ITGAE: variants seen among roughly 807,000 people sequenced by gnomAD.
The protein encoded by ITGAE is integrin subunit alpha E.
ITGAE carries 99 observed loss-of-function variants against 136.5 expected under a neutral mutation model. The observed-to-expected ratio is 0.73, with a 90% CI of 0.62 to 0.86. ITGAE has a LOEUF of 0.86. Among genes scored for constraint, ITGAE ranks in the 40% least tolerant of loss-of-function variants. The probability of loss-of-function intolerance (pLI) is 0.00; values close to 1 mark genes in which losing one functional copy is unlikely to be tolerated. For synonymous variants in ITGAE, 613 were observed against 591.8 expected (o/e 1.04, Z -0.52); for missense variants, 1,447 against 1,515.3 (o/e 0.95, Z 0.75).
intron 13 of ITGAE, 54 bp downstream of exon 13, chr17:3,753,729 G>A (rs2051928752): frequency 3.7e-6 from 6 of 1,600,582 alleles, no homozygotes; most frequent in South Asian, 1.1e-5. Flanking sequence ...TTCCCTTGGG[G>A]GCCTCCAGAT....
chr17:3,765,629 C>G (rs931034834), intron 2 of ITGAE, among the ~76,000 whole-genome samples: 1 of 152,118 alleles, frequency 6.6e-6, no homozygotes, highest in South Asian at 2.1e-4. Context: ...CACCAGGGGC[C>G]CCCACAATGC....
chr17:3,773,782 G>T (rs1054423100), intron 2 of ITGAE, among the ~76,000 whole-genome samples: 4 of 152,108 alleles, frequency 2.6e-5, no homozygotes, highest in African/African-American at 9.7e-5. Flanking sequence ...CCAACCCTCT[G>T]ATCGTGCCTG....
rs762148218 is a variant in ITGAE at position 3,753,420 on chromosome 17, T to C, written c.1538A>G (p.Tyr513Cys). 11 of 1,613,762 alleles carry C rather than the reference T, an allele frequency of 6.8e-6. No homozygotes were observed. The highest frequency in any genetic ancestry group is 4.5e-5 in the East Asian group (2 of 44,870). ...PVLEGEQMGS[Y>C]FGSELCPVDI... Reference sequence around the variant, plus strand: ...CACAGGGCACAGCTCAGAGCCAAAATAGGACCCCATCTACAGCCCGGGAGG... The same window carrying C: ...CACAGGGCACAGCTCAGAGCCAAAACAGGACCCCATCTACAGCCCGGGAGG... Residue 513 changes from tyrosine to cysteine, a missense_variant, in exon 14 of 31, where the codon TAT becomes TGT. By Grantham distance (194) the Tyr-to-Cys change is radical (BLOSUM62 -2). Around this residue, in one of 3 missense-constraint regions of ITGAE, gnomAD observed 1,031 missense variants for 1,011.4 expected, o/e 1.02. Transcript: ENST00000263087.
chr17:3,756,044 G>T, intron 10 of ITGAE, 147 bp from the exon 11 acceptor site: 1 of 699,434 alleles, frequency 1.4e-6, no homozygotes, highest in Non-Finnish European at 2.4e-6. Flanking sequence ...AGAGACCCAG[G>T]TTCTCCTTGA....
intron 1 of ITGAE, chr17:3,784,277 T>A (rs999466607): frequency 4.0e-4 from 138 of 343,240 alleles, no homozygotes; most frequent in Non-Finnish European, 2.6e-4. Flanking sequence ...TAAAATAAAA[T>A]AAAAAAATAA....
At chr17:3,786,293 G>A (rs2052796576) in intron 1 of ITGAE, among the ~76,000 whole-genome samples, 1 of 151,678 alleles carries the variant, frequency 6.6e-6, no homozygotes. Flanking sequence ...AAAAAGAAAT[G>A]TATCACCTGA....
chr17:3,729,863 G>C (rs906913359), intron 23 of ITGAE, among the ~76,000 whole-genome samples: 2 of 152,176 alleles, frequency 1.3e-5, no homozygotes, highest in Admixed American at 6.5e-5. Context: ...CCAAAGTGCT[G>C]GGATTACAGG....
intron 29 of ITGAE, chr17:3,717,112 C>A: frequency 3.4e-6 from 1 of 291,530 alleles, no homozygotes; most frequent in East Asian, 8.8e-5. Flanking sequence ...GGAATCCGGT[C>A]TCAACACAGG....
intron 2 of ITGAE, among the ~76,000 whole-genome samples, chr17:3,766,792 A>AAATAATAATAAT (rs146384772): frequency 1.5e-5 from 2 of 136,910 alleles, no homozygotes; most frequent in Non-Finnish European, 3.1e-5. Context: ...AAAGAGTGCA[A>AAATAATAATAAT]AATAATAATA....
intron 1 of ITGAE, among the ~76,000 whole-genome samples, chr17:3,785,535 G>A (rs1478576515): frequency 6.7e-6 from 1 of 148,830 alleles, no homozygotes; most frequent in Non-Finnish European, 1.5e-5. Context: ...AGGAAGGAAG[G>A]AAGGAAGGAA....
intron 26 of ITGAE, among the ~76,000 whole-genome samples, chr17:3,727,524 C>G (rs551594508): frequency 2.2e-4 from 33 of 152,054 alleles, no homozygotes; most frequent in African/African-American, 5.8e-4. Flanking sequence ...CTCAGCCTCC[C>G]AAGTAGCTGG....
At chr17:3,735,031 G>A in intron 20 of ITGAE, 82 bp from the exon 21 acceptor site, 1 of 1,502,266 alleles carries the variant, frequency 6.7e-7, no homozygotes, top group Non-Finnish European at 9.2e-7. Flanking sequence ...ATTCACCGAG[G>A]CTAGAGCGTG....
chr17:3,731,219 C>G, intron 22 of ITGAE, 36 bp from the exon 23 acceptor site: 3 of 1,514,450 alleles, frequency 2.0e-6, no homozygotes, highest in Non-Finnish European at 1.8e-6. Flanking sequence ...AGTTGATTCT[C>G]TCTATGCCAC....
At chr17:3,724,363 C>A (rs1238974783) in intron 26 of ITGAE, 13 of 1,603,030 alleles carry the variant, frequency 8.1e-6, no homozygotes, top group Non-Finnish European at 1.1e-5. Context: ...AGCCGCGACT[C>A]CGGCCGCCTC....
chr17:3,799,964 C>T lies in ITGAE; in HGVS notation c.34+1147G>A, dbSNP rs1420446887. On this transcript the variant is annotated intron_variant, in intron 1 of 30. Transcript: ENST00000263087. The surrounding 1 kb of genome is among the most constrained non-coding windows in gnomAD (Gnocchi z 4.1). ...TGAGACCCTGTCTCTACTAAAAATA[C>T]AAAAATTAGCCAGGCGTGGTGGCAG... 2.0e-5 allele frequency among the ~76,000 whole-genome samples: 3 copies of T among 151,960 alleles called. No homozygotes were observed. The highest frequency in any genetic ancestry group is 2.9e-5 in the Non-Finnish European group (2 of 67,976).
At chr17:3,768,159 C>T (rs1438631426) in intron 2 of ITGAE, among the ~76,000 whole-genome samples, 2 of 151,882 alleles carry the variant, frequency 1.3e-5, no homozygotes, top group Non-Finnish European at 2.9e-5. Context: ...GAGTCTCCTT[C>T]TGTCACCTAA....
At chr17:3,716,832 G>A in intron 29 of ITGAE, 34 bp from the exon 30 acceptor site, 1 of 1,260,648 alleles carries the variant, frequency 7.9e-7, no homozygotes, top group East Asian at 2.3e-5. Flanking sequence ...CAATAAATCA[G>A]GTGAAGCAAA....
intron 2 of ITGAE, among the ~76,000 whole-genome samples, chr17:3,777,144 G>A (rs867101117): frequency 1.2e-4 from 18 of 151,908 alleles, no homozygotes; most frequent in Middle Eastern, 3.2e-3. Flanking sequence ...CTATTTTTTA[G>A]TAGAGACAGG....
intron 1 of ITGAE, among the ~76,000 whole-genome samples, chr17:3,795,091 C>G (rs1455901699): frequency 1.3e-5 from 2 of 152,190 alleles, no homozygotes; most frequent in Non-Finnish European, 2.9e-5. Context: ...CCAATCCAGA[C>G]TCAGTCAGAG....
Sources: allele counts gnomAD v4.1 joint callset (sites outside exome capture counted in the v4.1 genomes callset), GRCh38; gene constraint gnomAD v4.1.1; regional missense constraint gnomAD v4.1.1; non-coding constraint Gnocchi (gnomAD v3.1); transcripts MANE v1.5; gene names NCBI Gene and HGNC (gene_info 2026-07-23, HGNC 2026-07-21).